The following HIVEP3 variants were observed in gnomAD, a reference collection of about 807,000 sequenced individuals.
HIVEP3 encodes the protein HIVEP zinc finger 3.
A neutral mutation model predicts 152.8 loss-of-function variants in HIVEP3; 49 were observed. The observed-to-expected ratio is 0.32, with a 90% CI of 0.26 to 0.41. The LOEUF is 0.41. Among genes scored for constraint, HIVEP3 ranks in the 10% least tolerant of loss-of-function variants. The pLI is 1.00. For missense variants in HIVEP3, 2,790 were observed against 3,103.3 expected, an observed-to-expected ratio of 0.90 and a Z score of 2.40; for synonymous variants, 1,269 against 1,289.0, an observed-to-expected ratio of 0.98 and a Z score of 0.33.
At chr1:41,880,222 T>G (rs2124425606) in intron 1 of HIVEP3, among the ~76,000 whole-genome samples, 1 of 152,144 alleles carries the variant, frequency 6.6e-6, no homozygotes, top group East Asian at 1.9e-4. Context: ...CATGCCCAAG[T>G]AGAGATGGGG....
At chr1:41,567,824 A>G (rs1217938431) in intron 5 of HIVEP3, among the ~76,000 whole-genome samples, 2 of 152,218 alleles carry the variant, frequency 1.3e-5, no homozygotes, top group Non-Finnish European at 2.9e-5. Context: ...AGCCTGCCCC[A>G]TAACAGAGGC....
chr1:41,973,728 A>T (rs754813428), intron 1 of HIVEP3, among the ~76,000 whole-genome samples: 1 of 152,238 alleles, frequency 6.6e-6, no homozygotes, highest in Admixed American at 6.5e-5. Context: ...TGGGGACCCA[A>T]TGGAAGAATC....
chr1:41,710,619 G>A (rs938688485), intron 1 of HIVEP3, among the ~76,000 whole-genome samples: 3 of 152,138 alleles, frequency 2.0e-5, no homozygotes, highest in African/African-American at 7.2e-5. Flanking sequence ...TCACAATGAG[G>A]CGCATCTAAA....
intron 1 of HIVEP3, among the ~76,000 whole-genome samples, chr1:41,804,697 T>C (rs1016785922): frequency 2.6e-5 from 4 of 152,248 alleles, no homozygotes; most frequent in East Asian, 3.8e-4. Context: ...GCTTGATTCA[T>C]AACAATTTAT....
intron 2 of HIVEP3, among the ~76,000 whole-genome samples, chr1:41,675,590 C>A (rs901716275): frequency 6.6e-6 from 1 of 152,224 alleles, no homozygotes; most frequent in Non-Finnish European, 1.5e-5. Context: ...TCTCCAGAAA[C>A]TGTCAGAGTA....
chr1:41,907,363 C>T (rs1644730710), intron 1 of HIVEP3, among the ~76,000 whole-genome samples: 1 of 152,190 alleles, frequency 6.6e-6, no homozygotes. Flanking sequence ...TCTGCGGTAG[C>T]AGCAAGGTGA....
At chr1:41,961,961 A>C (rs528474553) in intron 1 of HIVEP3, among the ~76,000 whole-genome samples, 3 of 152,270 alleles carry the variant, frequency 2.0e-5, no homozygotes, top group Non-Finnish European at 4.4e-5. Context: ...AAAGAAGACA[A>C]TGGATAGATA....
intron 2 of HIVEP3, among the ~76,000 whole-genome samples, chr1:41,642,019 CA>C (rs1645381214): frequency 6.6e-6 from 1 of 152,222 alleles, no homozygotes; most frequent in Admixed American, 6.5e-5. Flanking sequence ...TCAGGTAGTG[CA>C]CATAAAGTGC....
chr1:41,709,254 A>G (rs1175089106), intron 1 of HIVEP3, among the ~76,000 whole-genome samples: 1 of 152,188 alleles, frequency 6.6e-6, no homozygotes, highest in African/African-American at 2.4e-5. Context: ...TTTGGAGTGA[A>G]ACCCCTATTG....
chr1:41,740,381 A>G (rs1178732594), intron 1 of HIVEP3, among the ~76,000 whole-genome samples: 2 of 152,206 alleles, frequency 1.3e-5, no homozygotes, highest in East Asian at 1.9e-4. Flanking sequence ...CCGCTCTTCT[A>G]TTGCCTATAC....
At chr1:41,626,310 G>A (rs553000470) in intron 3 of HIVEP3, among the ~76,000 whole-genome samples, 1 of 152,368 alleles carries the variant, frequency 6.6e-6, no homozygotes, top group African/African-American at 2.4e-5. Flanking sequence ...CTGGACTCCA[G>A]CAGCACCAAG....
At chr1:41,697,089 AGCAGAGAG>A (rs1646288187) in intron 2 of HIVEP3, among the ~76,000 whole-genome samples, 1 of 152,214 alleles carries the variant, frequency 6.6e-6, no homozygotes, top group Non-Finnish European at 1.5e-5. Context: ...CAAAGCAGGA[AGCAGAGAG>A]GCAGATTTTC....
At chr1:41,587,314 T>A (rs1157406300) in intron 3 of HIVEP3, among the ~76,000 whole-genome samples, 2 of 152,228 alleles carry the variant, frequency 1.3e-5, no homozygotes, top group African/African-American at 4.8e-5. Context: ...GATTCTCCTA[T>A]GAGCAGTCAA....
At chr1:41,745,460 T>C (rs969490305) in intron 1 of HIVEP3, among the ~76,000 whole-genome samples, 6 of 152,242 alleles carry the variant, frequency 3.9e-5, no homozygotes, top group Non-Finnish European at 7.3e-5. Flanking sequence ...AAAATATACA[T>C]GTATTCAATT....
intron 5 of HIVEP3, among the ~76,000 whole-genome samples, chr1:41,563,009 A>AG (rs542806160): frequency 8.4e-4 from 128 of 151,690 alleles, no homozygotes; most frequent in Admixed American, 2.2e-3. Context: ...AGCCCTTTTG[A>AG]GGGGGGATGT....
intron 5 of HIVEP3, among the ~76,000 whole-genome samples, chr1:41,571,852 C>T (rs1357706191): frequency 3.3e-5 from 5 of 152,304 alleles, no homozygotes; most frequent in South Asian, 2.1e-4. Flanking sequence ...CAGCCACAGA[C>T]GGCTCTGGAG....
At chr1:41,856,469 C>T (rs2124391313) in intron 1 of HIVEP3, among the ~76,000 whole-genome samples, 1 of 152,302 alleles carries the variant, frequency 6.6e-6, no homozygotes, top group South Asian at 2.1e-4. Context: ...GCCCTGTGAA[C>T]TTAGCAACCA....
rs759038416 is a variant in HIVEP3, at chr1:41,605,367, G to GCACA, written c.-521-20053_-521-20050dup. ...TTACATAGATATTACATACACACAC[G>GCACA]CACACGCGCACACACACACACACAC... is the stretch of plus-strand genomic sequence containing the variant. On this transcript the variant is annotated intron_variant, in intron 3 of 8. Coordinates refer to ENST00000372583, the MANE Select transcript of HIVEP3 (RefSeq NM_024503.5). Among the ~76,000 whole-genome samples, 629 of 111,760 alleles carry GCACA rather than the reference G, an allele frequency of 5.6e-3. 10 individuals are homozygous for GCACA. Among genetic ancestry groups the GCACA allele is most frequent in the Middle Eastern group, 0.046 (10 of 218 alleles). 73.3% of individuals were successfully genotyped at this position (111,760 alleles called of 152,430 possible).
In HIVEP3 at chr1:41,998,887, CTCTTTTTTT is replaced by C. The variant is rs1437727654; in HGVS notation, n.119+36911_119+36919del. Reference sequence around the variant, plus strand: ...GCTGGTTTTTAATACTTTTCTCTCTCTCTTTTTTTTTTTTTTTTTTTTTTTTTGAGACGG... The same window carrying C: ...GCTGGTTTTTAATACTTTTCTCTCTCTTTTTTTTTTTTTTTTTTGAGACGG... On this transcript the variant is annotated intron_variant and non_coding_transcript_variant, in intron 1 of 3. Transcript: ENST00000489103. Among the ~76,000 whole-genome samples the C allele has an allele frequency of 2.7e-4, 21 of 77,314 alleles. 2 individuals carry two copies. The highest frequency in any genetic ancestry group is 1.2e-3 in the South Asian group (2 of 1,694). The allele number at this position is 77,314 out of a possible 152,430, so 50.7% of individuals were successfully genotyped here.
Sources: allele counts gnomAD v4.1 joint callset (sites outside exome capture counted in the v4.1 genomes callset), GRCh38; gene constraint gnomAD v4.1.1; transcripts MANE v1.5; gene names NCBI Gene and HGNC (gene_info 2026-07-23, HGNC 2026-07-21).